Variants in CYRIA observed in about 807,000 individuals in gnomAD.
The protein encoded by CYRIA is CYFIP related Rac1 interactor A, also known as CYFIP-related Rac1 interactor A.
CYRIA carries 15 observed loss-of-function variants against 43.9 expected under a neutral mutation model. The ratio of observed to expected loss-of-function variants is 0.34; its 90% CI spans 0.23 to 0.53. The LOEUF (loss-of-function observed/expected upper bound fraction) is 0.53. Among genes scored for constraint, CYRIA ranks in the 20% least tolerant of loss-of-function variants. The pLI, the probability that CYRIA is intolerant of heterozygous loss-of-function variation, is 0.94. For missense variants in CYRIA, 236 were observed against 394.2 expected (o/e 0.60, Z 3.40); for synonymous variants, 117 against 136.0 (o/e 0.86, Z 0.97).
chr2:16,575,029 G>A (rs1667283500), intron 3 of CYRIA, among the ~76,000 whole-genome samples: 1 of 152,148 alleles, frequency 6.6e-6, no homozygotes, highest in Admixed American at 6.5e-5. Context: ...GCCAGGAAGG[G>A]TGCTATACCC....
chr2:16,579,215 G>C (rs867363363), intron 3 of CYRIA, among the ~76,000 whole-genome samples: 12 of 152,110 alleles, frequency 7.9e-5, no homozygotes, highest in African/African-American at 2.7e-4. Context: ...ATGAAAGTTA[G>C]ATAGCAATAT....
intron 3 of CYRIA, among the ~76,000 whole-genome samples, chr2:16,580,054 C>A (rs910674703): frequency 6.6e-6 from 1 of 151,872 alleles, no homozygotes; most frequent in Non-Finnish European, 1.5e-5. Flanking sequence ...CTCGAGCAAT[C>A]CTCCTGCCTC....
intron 11 of CYRIA, among the ~76,000 whole-genome samples, chr2:16,554,639 TCA>T (rs1666438869): frequency 6.6e-6 from 1 of 152,278 alleles, no homozygotes; most frequent in Non-Finnish European, 1.5e-5. Flanking sequence ...GCAGTCAGAA[TCA>T]CACAGAGTGT....
chr2:16,584,783 A>G (rs1289711661), intron 3 of CYRIA, among the ~76,000 whole-genome samples: 1 of 151,858 alleles, frequency 6.6e-6, no homozygotes, highest in Non-Finnish European at 1.5e-5. Flanking sequence ...TCTGCTAAAA[A>G]ACTCTCCCTA....
intron 1 of CYRIA, among the ~76,000 whole-genome samples, chr2:16,664,136 G>A (rs1457433091): frequency 6.6e-6 from 1 of 152,124 alleles, no homozygotes; most frequent in African/African-American, 2.4e-5. Flanking sequence ...TAGCACTGAG[G>A]CAGTATGCGC....
At chr2:16,639,170 T>C (rs979051480) in intron 1 of CYRIA, among the ~76,000 whole-genome samples, 2 of 152,212 alleles carry the variant, frequency 1.3e-5, no homozygotes, top group African/African-American at 2.4e-5. Flanking sequence ...TGCACTCTGG[T>C]AATCGCTCGT....
Position 16,650,413 on chromosome 2 carries a change from A to G in CYRIA, c.-167+15367T>C, listed in dbSNP as rs560603178. On this transcript the variant is annotated intron_variant, in intron 1 of 11. Transcript: ENST00000381323. This position sits in a 1 kb window ranked among gnomAD's most constrained non-coding sequence, Gnocchi z 4.1. ...CTCACTTCAATATAAAAATCTCTGC[A>G]AACTGCAGATCGATTAAAACACTAG... 8.5e-5 allele frequency among the ~76,000 whole-genome samples: 13 copies of G among 152,362 alleles called. 1 individual carries two copies. In the Middle Eastern group the frequency reaches 0.01, roughly 120 times the overall value.
intron 1 of CYRIA, among the ~76,000 whole-genome samples, chr2:16,634,093 C>A (rs543864834): frequency 6.6e-6 from 1 of 152,212 alleles, no homozygotes; most frequent in South Asian, 2.1e-4. Flanking sequence ...AAGTCAAGAC[C>A]AACTAAGTAT....
chr2:16,656,292 A>G (rs1470349193), intron 1 of CYRIA, among the ~76,000 whole-genome samples: 2 of 151,972 alleles, frequency 1.3e-5, no homozygotes, highest in Admixed American at 1.3e-4. Flanking sequence ...CCACACCCAC[A>G]CACCCACTCA....
intron 2 of CYRIA, among the ~76,000 whole-genome samples, chr2:16,589,031 G>A (rs969458315): frequency 4.6e-5 from 7 of 151,984 alleles, no homozygotes; most frequent in African/African-American, 1.7e-4. Context: ...CTCAGCTCTA[G>A]ACATTAAACT....
intron 10 of CYRIA, among the ~76,000 whole-genome samples, chr2:16,556,373 C>A (rs1428278672): frequency 6.6e-6 from 1 of 152,084 alleles, no homozygotes; most frequent in Non-Finnish European, 1.5e-5. Flanking sequence ...CCTGGGATGG[C>A]ATCAGGCCCA....
At chr2:16,665,550 C>A (rs1254420564) in intron 1 of CYRIA, among the ~76,000 whole-genome samples, 4 of 151,970 alleles carry the variant, frequency 2.6e-5, no homozygotes, top group Admixed American at 2.6e-4. Flanking sequence ...AAGAGGGCAA[C>A]GGGGCACAAA....
At chr2:16,639,760 T>A (rs9789355) in intron 1 of CYRIA, among the ~76,000 whole-genome samples, 3 of 151,856 alleles carry the variant, frequency 2.0e-5, no homozygotes, top group African/African-American at 4.8e-5. Context: ...TCCTGGGAAA[T>A]GATATCCCTT....
At chr2:16,557,681 A>G (rs1339593596) in intron 10 of CYRIA, among the ~76,000 whole-genome samples, 1 of 152,180 alleles carries the variant, frequency 6.6e-6, no homozygotes, top group Non-Finnish European at 1.5e-5. Context: ...AACTTCATCA[A>G]GACTATGCGT....
intron 1 of CYRIA, among the ~76,000 whole-genome samples, chr2:16,633,404 A>C (rs1161737302): frequency 9.2e-6 from 1 of 109,050 alleles, no homozygotes; most frequent in Non-Finnish European, 1.6e-5. Flanking sequence ...TTGTCTCATG[A>C]CTTTTATTTA....
At chr2:16,654,499 A>T (rs1488783293) in intron 1 of CYRIA, among the ~76,000 whole-genome samples, 1 of 151,654 alleles carries the variant, frequency 6.6e-6, no homozygotes, top group African/African-American at 2.4e-5. Flanking sequence ...TATTTTCTTT[A>T]AAAAAAAATA....
chr2:16,618,159 T>G (rs1668868367), intron 2 of CYRIA, among the ~76,000 whole-genome samples: 1 of 152,178 alleles, frequency 6.6e-6, no homozygotes, highest in Non-Finnish European at 1.5e-5. Context: ...CAAGGAGGAC[T>G]ACAGAGCCCA....
chr2:16,559,963 T>G (rs2103408631), intron 9 of CYRIA, among the ~76,000 whole-genome samples: 1 of 152,318 alleles, frequency 6.6e-6, no homozygotes, highest in East Asian at 1.9e-4. Flanking sequence ...TAGGCTCATT[T>G]CTACGGAGCA....
chr2:16,555,147 G>A lies in CYRIA; in HGVS notation c.838-8C>T. 1.1e-5 allele frequency: 17 copies of A among 1,610,864 alleles called. No individual in the cohort carries two copies. Among genetic ancestry groups the A allele is most frequent in the Non-Finnish European group, 1.4e-5 (17 of 1,178,900 alleles). ...TTTTATGCAGCCTTTCATCTAGGAGGAGAAAGCACAATGTTTGTTAATATC... is the reference window on the plus strand; with the variant it reads ...TTTTATGCAGCCTTTCATCTAGGAGAAGAAAGCACAATGTTTGTTAATATC... On this transcript the variant is annotated splice_polypyrimidine_tract_variant and splice_region_variant and intron_variant, in intron 10 of 11. Transcript: ENST00000381323.
Sources: gnomAD v4.1 joint callset for allele counts (sites outside exome capture counted in the v4.1 genomes callset) on GRCh38, gnomAD v4.1.1 for gene constraint, Gnocchi (gnomAD v3.1) non-coding constraint, MANE v1.5 for transcripts, NCBI Gene and HGNC (gene_info 2026-07-23, HGNC 2026-07-21) for gene names.